Variants in SNTG1 observed in about 807,000 individuals in gnomAD.
The protein encoded by SNTG1 is syntrophin gamma 1.
Under a neutral mutation model 74.7 loss-of-function variants are expected in SNTG1, and 39 were observed. The ratio of observed to expected loss-of-function variants is 0.52; its 90% confidence interval spans 0.40 to 0.68. SNTG1 has a LOEUF of 0.68. Among genes scored for constraint, SNTG1 ranks in the 30% least tolerant of loss-of-function variants. SNTG1 has a pLI of 0.00. For synonymous variants in SNTG1, 254 were observed against 217.1 expected, an observed-to-expected ratio of 1.17 and a Z score of -1.49; for missense variants, 685 against 609.5, an observed-to-expected ratio of 1.12 and a Z score of -1.30.
chr8:50,356,996 G>C (rs1429771389), intron 2 of SNTG1, among the ~76,000 whole-genome samples: 3 of 152,214 alleles, frequency 2.0e-5, no homozygotes, highest in Non-Finnish European at 4.4e-5. Context: ...TAACTGGAAG[G>C]GCTTCACACT....
At chr8:50,212,435 A>G (rs1399197811) in intron 2 of SNTG1, among the ~76,000 whole-genome samples, 1 of 152,200 alleles carries the variant, frequency 6.6e-6, no homozygotes, top group African/African-American at 2.4e-5. Context: ...TTACATGAAC[A>G]TAATCTCTCC....
At chr8:49,958,787 A>G (rs1272990511) in intron 1 of SNTG1, among the ~76,000 whole-genome samples, 1 of 152,244 alleles carries the variant, frequency 6.6e-6, no homozygotes, top group East Asian at 1.9e-4. Flanking sequence ...AGGCAAAAAC[A>G]GTATAGCACA....
intron 14 of SNTG1, among the ~76,000 whole-genome samples, chr8:50,657,804 T>G (rs776347573): frequency 2.0e-5 from 3 of 152,160 alleles, no homozygotes; most frequent in Non-Finnish European, 2.9e-5. Flanking sequence ...TTATTGAGAT[T>G]TGTACTAGAT....
chr8:50,008,866 T>C (rs1237411967), intron 1 of SNTG1, among the ~76,000 whole-genome samples: 3 of 152,192 alleles, frequency 2.0e-5, no homozygotes, highest in Admixed American at 6.5e-5. Flanking sequence ...ATCTAGCTTG[T>C]TCATAGTTGC....
intron 2 of SNTG1, among the ~76,000 whole-genome samples, chr8:50,177,255 G>T (rs376621794): frequency 6.6e-6 from 1 of 152,210 alleles, no homozygotes; most frequent in African/African-American, 2.4e-5. Flanking sequence ...GTCTCCCTGA[G>T]AGTGTGGGGC....
chr8:50,398,764 T>C (rs1014347352), intron 3 of SNTG1, among the ~76,000 whole-genome samples: 6 of 152,146 alleles, frequency 3.9e-5, no homozygotes, highest in African/African-American at 1.2e-4. Flanking sequence ...ACCCCGTCTC[T>C]ACTAAAAATA....
chr8:50,640,683 T>C (rs1207076799), intron 13 of SNTG1, among the ~76,000 whole-genome samples: 1 of 152,188 alleles, frequency 6.6e-6, no homozygotes, highest in Non-Finnish European at 1.5e-5. Flanking sequence ...ATGACAAAAC[T>C]GTACATGAAT....
At chr8:49,945,993 T>G (rs1809149866) in intron 1 of SNTG1, among the ~76,000 whole-genome samples, 1 of 152,246 alleles carries the variant, frequency 6.6e-6, no homozygotes, top group Admixed American at 6.5e-5. Context: ...TACCTTGCTC[T>G]CTAGGTTTTA....
chr8:49,966,201 T>C (rs1202345343), intron 1 of SNTG1, among the ~76,000 whole-genome samples: 1 of 152,144 alleles, frequency 6.6e-6, no homozygotes, highest in African/African-American at 2.4e-5. Context: ...GAAGCTTTGG[T>C]AAAGTTGCTT....
At chr8:49,992,407 T>A (rs1306602416) in intron 1 of SNTG1, among the ~76,000 whole-genome samples, 1 of 152,176 alleles carries the variant, frequency 6.6e-6, no homozygotes, top group African/African-American at 2.4e-5. Flanking sequence ...CATATTAGGA[T>A]TTGATATATT....
At chr8:50,433,172 T>C (rs1452536384) in intron 4 of SNTG1, among the ~76,000 whole-genome samples, 6 of 152,246 alleles carry the variant, frequency 3.9e-5, no homozygotes, top group Non-Finnish European at 8.8e-5. Flanking sequence ...ATTGCTGATA[T>C]GTAAGAAAGC....
chr8:50,550,596 A>G (rs2130578216), intron 11 of SNTG1, among the ~76,000 whole-genome samples: 1 of 152,248 alleles, frequency 6.6e-6, no homozygotes, highest in East Asian at 1.9e-4. Context: ...GTTACCAAGA[A>G]TCTTTAGAAA....
At chr8:49,981,924 A>G (rs1812715045) in intron 1 of SNTG1, among the ~76,000 whole-genome samples, 1 of 152,120 alleles carries the variant, frequency 6.6e-6, no homozygotes, top group Admixed American at 6.5e-5. Flanking sequence ...GAATATCTTA[A>G]TTTTATTTTT....
At chr8:49,994,267 T>G (rs1358204753) in intron 1 of SNTG1, among the ~76,000 whole-genome samples, 2 of 148,500 alleles carry the variant, frequency 1.3e-5, no homozygotes, top group African/African-American at 4.9e-5. Flanking sequence ...TTTTTTTTTT[T>G]TTTTTTGAGA....
At chr8:50,292,033 A>G (rs1277170490) in intron 2 of SNTG1, among the ~76,000 whole-genome samples, 1 of 152,066 alleles carries the variant, frequency 6.6e-6, no homozygotes, top group Non-Finnish European at 1.5e-5. Flanking sequence ...TGAAATGTCT[A>G]TGACACATAC....
chr8:50,360,125 G>T (rs577937092), intron 2 of SNTG1, among the ~76,000 whole-genome samples: 1 of 151,858 alleles, frequency 6.6e-6, no homozygotes, highest in South Asian at 2.1e-4. Flanking sequence ...AGACCCACAC[G>T]AGATCAGATA....
chr8:50,507,867 A>G (rs2094022406), intron 9 of SNTG1, among the ~76,000 whole-genome samples: 1 of 146,980 alleles, frequency 6.8e-6, no homozygotes, highest in Non-Finnish European at 1.5e-5. Context: ...CTGGTGTGTG[A>G]TGTTCCCCTT....
intron 17 of SNTG1, among the ~76,000 whole-genome samples, chr8:50,718,729 C>G (rs1406200592): frequency 1.3e-5 from 2 of 152,060 alleles, no homozygotes; most frequent in African/African-American, 2.4e-5. Context: ...TCAGCCCGGT[C>G]CATAGAATTT....
intron 2 of SNTG1, among the ~76,000 whole-genome samples, chr8:50,227,917 C>A (rs1173664410): frequency 9.8e-5 from 5 of 50,896 alleles, no homozygotes; most frequent in South Asian, 1.3e-3. Context: ...ACATAAACAA[C>A]AACCAAAAAA....
Sources: gnomAD v4.1 joint callset for allele counts (sites outside exome capture counted in the v4.1 genomes callset) on GRCh38, gnomAD v4.1.1 for gene constraint, MANE v1.5 for transcripts, NCBI Gene and HGNC (gene_info 2026-07-23, HGNC 2026-07-21) for gene names.